The following PTPRD variants were observed in gnomAD, a reference collection of about 807,000 sequenced individuals.
PTPRD encodes the protein receptor-type tyrosine-protein phosphatase delta.
In PTPRD, 34 loss-of-function variants were observed where a neutral mutation model predicts 214.5. The observed-to-expected ratio is 0.16, with a 90% CI of 0.12 to 0.21. The LOEUF (loss-of-function observed/expected upper bound fraction) is 0.21. Ranked by LOEUF, PTPRD falls within the 10% of genes least tolerant of loss-of-function variation. The pLI is 1.00. For synonymous variants in PTPRD, 1,128 were observed against 845.7 expected (o/e 1.33, Z -5.79); for missense variants, 2,545 against 2,398.7 (o/e 1.06, Z -1.27).
chr9:10,496,775 G>A (rs1305293326), intron 2 of PTPRD, among the ~76,000 whole-genome samples: 6 of 151,922 alleles, frequency 3.9e-5, no homozygotes, highest in Non-Finnish European at 8.8e-5. Context: ...TGTGTGTTCA[G>A]GTACTTTGCC....
At chr9:9,380,632 T>G (rs2061948609) in intron 9 of PTPRD, among the ~76,000 whole-genome samples, 1 of 152,168 alleles carries the variant, frequency 6.6e-6, no homozygotes, top group Admixed American at 6.5e-5. Flanking sequence ...ATGTTCCATG[T>G]GAGTTTGAGA....
chr9:8,321,487 GTATATATATATATATATATA>G (rs750825729), intron 44 of PTPRD, among the ~76,000 whole-genome samples: 758 of 44,566 alleles, frequency 0.017, 24 homozygotes, highest in Non-Finnish European at 0.023. Context: ...GTGTGTGTGT[GTATATATATATATATATATA>G]TATATATATA....
intron 2 of PTPRD, among the ~76,000 whole-genome samples, chr9:10,492,626 C>T (rs970799425): frequency 6.6e-5 from 10 of 151,974 alleles, no homozygotes; most frequent in East Asian, 5.8e-4. Flanking sequence ...CTTTGTCAGA[C>T]GGATAGATGG....
chr9:9,980,511 G>T (rs34173037), intron 4 of PTPRD, among the ~76,000 whole-genome samples: 9,514 of 149,982 alleles, frequency 0.063, 422 homozygotes, highest in East Asian at 0.13. Context: ...CGGAGGCTGA[G>T]GTCGGAGAAT....
chr9:8,524,342 G>C (rs1447609030), intron 18 of PTPRD, among the ~76,000 whole-genome samples: 6 of 152,114 alleles, frequency 3.9e-5, no homozygotes, highest in South Asian at 2.1e-4. Flanking sequence ...GTGTACATAT[G>C]TGCACATATA....
At chr9:9,604,302 C>G (rs1231733974) in intron 7 of PTPRD, among the ~76,000 whole-genome samples, 1 of 151,900 alleles carries the variant, frequency 6.6e-6, no homozygotes. Flanking sequence ...ACAGGCACAA[C>G]CTTGAAAATA....
intron 5 of PTPRD, among the ~76,000 whole-genome samples, chr9:9,909,545 A>AATTTATTATTAGGCACT (rs1601776226): frequency 6.6e-6 from 1 of 152,078 alleles, no homozygotes; most frequent in East Asian, 1.9e-4. Context: ...TATTTATATG[A>AATTTATTATTAGGCACT]ATTTATTATT....
chr9:8,478,414 C>A (rs1041303169), intron 30 of PTPRD, among the ~76,000 whole-genome samples: 1 of 152,120 alleles, frequency 6.6e-6, no homozygotes, highest in African/African-American at 2.4e-5. Flanking sequence ...TTGAAAATTT[C>A]ATAGAATACC....
chr9:10,172,835 G>C (rs1469096650), intron 3 of PTPRD, among the ~76,000 whole-genome samples: 3 of 152,150 alleles, frequency 2.0e-5, no homozygotes, highest in Non-Finnish European at 2.9e-5. Context: ...GGAATAAACT[G>C]AAATGTATAT....
chr9:8,642,001 C>T (rs1422143803), intron 12 of PTPRD, among the ~76,000 whole-genome samples: 2 of 152,176 alleles, frequency 1.3e-5, no homozygotes, highest in Non-Finnish European at 2.9e-5. Context: ...GTACTGAGGA[C>T]AAAATCCTCC....
chr9:10,212,565 G>T (rs1041681312), intron 3 of PTPRD, among the ~76,000 whole-genome samples: 3 of 152,000 alleles, frequency 2.0e-5, no homozygotes, highest in Non-Finnish European at 2.9e-5. Context: ...TAGTTTAAAA[G>T]CTCCAAATAT....
chr9:10,070,135 A>G (rs1463300519), intron 3 of PTPRD, among the ~76,000 whole-genome samples: 1 of 152,062 alleles, frequency 6.6e-6, no homozygotes, highest in East Asian at 1.9e-4. Context: ...GGACTAATAT[A>G]TGGGCCAGTT....
intron 7 of PTPRD, among the ~76,000 whole-genome samples, chr9:9,607,386 C>T (rs924392385): frequency 5.9e-5 from 9 of 151,988 alleles, no homozygotes; most frequent in Non-Finnish European, 8.8e-5. Context: ...ATATGCTCCA[C>T]GAATCTAACA....
chr9:9,839,000 C>A (rs2057597333), intron 5 of PTPRD, among the ~76,000 whole-genome samples: 1 of 152,026 alleles, frequency 6.6e-6, no homozygotes, highest in South Asian at 2.1e-4. Flanking sequence ...GCCAGTTTTC[C>A]CAGCACCATT....
intron 7 of PTPRD, among the ~76,000 whole-genome samples, chr9:9,673,783 A>C (rs2096876273): frequency 1.3e-5 from 2 of 151,720 alleles, no homozygotes; most frequent in South Asian, 4.1e-4. Flanking sequence ...CAGAAACCCC[A>C]AAAAGATCAG....
At chr9:10,106,507 G>C (rs2098634327) in intron 3 of PTPRD, among the ~76,000 whole-genome samples, 1 of 151,478 alleles carries the variant, frequency 6.6e-6, no homozygotes, top group South Asian at 2.1e-4. Flanking sequence ...AATTTACTGA[G>C]CTGTGAAAGT....
At chr9:10,578,607 A>G (rs1042994719) in intron 2 of PTPRD, among the ~76,000 whole-genome samples, 56 of 152,338 alleles carry the variant, frequency 3.7e-4, no homozygotes, top group African/African-American at 1.3e-3. Context: ...AATAACTGGG[A>G]ATCCAGAAAC....
intron 14 of PTPRD, among the ~76,000 whole-genome samples, chr9:8,534,608 T>G (rs1351257748): frequency 6.7e-6 from 1 of 148,728 alleles, no homozygotes; most frequent in Non-Finnish European, 1.5e-5. Context: ...CAGCGTATTT[T>G]TAAAATGACA....
intron 3 of PTPRD, among the ~76,000 whole-genome samples, chr9:10,313,461 C>T (rs2096329304): frequency 6.6e-6 from 1 of 151,090 alleles, no homozygotes; most frequent in Non-Finnish European, 1.5e-5. Context: ...TGTTCATTTT[C>T]ACTTCACAGT....
Sources: gnomAD v4.1 joint callset for allele counts (sites outside exome capture counted in the v4.1 genomes callset) on GRCh38, gnomAD v4.1.1 for gene constraint, MANE v1.5 for transcripts, NCBI Gene and HGNC (gene_info 2026-07-23, HGNC 2026-07-21) for gene names.